COL11A1: variants seen among roughly 807,000 people sequenced by gnomAD.
The protein encoded by COL11A1 is collagen alpha-1(XI) chain.
COL11A1 carries 74 observed loss-of-function variants against 265.2 expected under a neutral mutation model. The ratio of observed to expected loss-of-function variants is 0.28; its 90% CI spans 0.23 to 0.34. The LOEUF is 0.34. Among genes scored for constraint, COL11A1 ranks in the 10% least tolerant of loss-of-function variants. The probability of loss-of-function intolerance (pLI) is 1.00; values close to 1 mark genes in which losing one functional copy is unlikely to be tolerated. For synonymous variants in COL11A1, 816 were observed against 727.6 expected (o/e 1.12, Z -1.96); for missense variants, 2,165 against 2,263.6 (o/e 0.96, Z 0.88).
chr1:102,878,314 T>C (rs1485350991), intron 66 of COL11A1, 149 bp from the exon 67 acceptor site: 6 of 645,296 alleles, frequency 9.3e-6, no homozygotes, highest in African/African-American at 1.8e-5. Context: ...TAATAATTCT[T>C]ATCACTGTAT....
chr1:102,954,948 A>C (rs1660232204), intron 41 of COL11A1, among the ~76,000 whole-genome samples: 1 of 152,214 alleles, frequency 6.6e-6, no homozygotes, highest in South Asian at 2.1e-4. Context: ...CTAAAAATTC[A>C]GATGAACTAT....
Position 102,877,738 on chromosome 1 carries a change from C to T in COL11A1, c.*281G>A. On this transcript the variant is annotated 3_prime_UTR_variant, in exon 67 of 67. Transcript: ENST00000370096. ...TATATTTTTCTTTTTTTGTTTTCTA[C>T]AGCACCAAAGAAATTCAAATAGGAA... 8.3e-6 allele frequency: 3 copies of T among 360,934 alleles called. No individual in the cohort carries two copies. Among genetic ancestry groups the T allele is most frequent in the African/African-American group, 2.1e-5 (1 of 47,824 alleles). 22.4% of individuals were successfully genotyped at this position (360,934 alleles called of 1,614,324 possible).
At chr1:103,098,065 G>A (rs1467029726) in intron 1 of COL11A1, among the ~76,000 whole-genome samples, 1 of 151,618 alleles carries the variant, frequency 6.6e-6, no homozygotes, top group Non-Finnish European at 1.5e-5. Flanking sequence ...AATAGCCAAG[G>A]CTGTTAAAAA....
intron 1 of COL11A1, among the ~76,000 whole-genome samples, chr1:103,088,819 C>T (rs1558044086): frequency 6.6e-6 from 1 of 152,172 alleles, no homozygotes; most frequent in South Asian, 2.1e-4. Flanking sequence ...ACCAGCCATG[C>T]TTGCCCAAGG....
In COL11A1 at chr1:102,938,832, A is replaced by G. The variant is rs368417810; in HGVS notation, c.3438+203T>C. Among the ~76,000 whole-genome samples, 77 of 152,262 alleles carry G rather than the reference A, an allele frequency of 5.1e-4. 1 individual carries two copies. The highest frequency in any genetic ancestry group is 3.3e-3 in the South Asian group (16 of 4,818). On this transcript the variant is annotated intron_variant, in intron 44 of 66. Coordinates refer to ENST00000370096, the MANE Select transcript of COL11A1 (RefSeq NM_001854.4). ...CAGAGTTATAAATAATGGCCTTACA[A>G]TCATCATACTTTACTTAATCACAGA...
In COL11A1 at chr1:102,962,593, G is replaced by A. The variant is rs184000455; in HGVS notation, c.3024+60C>T. ...AATGGAATCTGTAGACAAGGGGTGA[G>A]TATAGTTAAACATAAATTAAAGTTT... On this transcript the variant is annotated intron_variant, in intron 39 of 66. Coordinates refer to ENST00000370096, the MANE Select transcript of COL11A1 (RefSeq NM_001854.4). 3.6e-4 allele frequency: 492 copies of A among 1,378,386 alleles called. 3 individuals are homozygous for A. In the African/African-American group the frequency reaches 5.8e-3, roughly 16 times the overall value. 85.4% of individuals were successfully genotyped at this position (1,378,386 alleles called of 1,614,324 possible).
At chr1:102,952,634 A>T (rs925922310) in intron 41 of COL11A1, among the ~76,000 whole-genome samples, 1 of 152,224 alleles carries the variant, frequency 6.6e-6, no homozygotes, top group Non-Finnish European at 1.5e-5. Context: ...TCCATGCCCT[A>T]AAGTACAACT....
chr1:103,065,222 TAAC>T (rs1217069361), intron 4 of COL11A1, among the ~76,000 whole-genome samples: 1 of 151,974 alleles, frequency 6.6e-6, no homozygotes, highest in African/African-American at 2.4e-5. Flanking sequence ...GATTGTTTAT[TAAC>T]AACAACAGCA....
chr1:102,923,947 G>A (rs955212250), intron 46 of COL11A1, among the ~76,000 whole-genome samples: 6 of 151,608 alleles, frequency 4.0e-5, no homozygotes, highest in Non-Finnish European at 8.8e-5. Context: ...AGTGGCTCAC[G>A]GCTGTAATCC....
intron 4 of COL11A1, among the ~76,000 whole-genome samples, chr1:103,059,158 T>C (rs1283063328): frequency 6.6e-6 from 1 of 152,176 alleles, no homozygotes; most frequent in Non-Finnish European, 1.5e-5. Flanking sequence ...TGTGCCTAAC[T>C]GCAGTGCAGC....
At chr1:103,056,901 G>A (rs980490883) in intron 4 of COL11A1, among the ~76,000 whole-genome samples, 2 of 152,100 alleles carry the variant, frequency 1.3e-5, no homozygotes, top group South Asian at 2.1e-4. Flanking sequence ...AAATACTAAC[G>A]ATTATTTGAA....
At chr1:103,077,468 C>A (rs962722293) in intron 3 of COL11A1, among the ~76,000 whole-genome samples, 2 of 151,812 alleles carry the variant, frequency 1.3e-5, no homozygotes, top group African/African-American at 4.8e-5. Context: ...AAAAGAAACA[C>A]AACGTGCTAT....
At chr1:102,996,137 G>T (rs540421054) in intron 26 of COL11A1, 95 bp from the exon 27 acceptor site, 18 of 1,276,106 alleles carry the variant, frequency 1.4e-5, no homozygotes, top group South Asian at 2.5e-5. Context: ...CAAGGATATG[G>T]TTTTTTTCTA....
At chr1:103,070,907 T>C (rs1196918198) in intron 4 of COL11A1, among the ~76,000 whole-genome samples, 1 of 151,982 alleles carries the variant, frequency 6.6e-6, no homozygotes, top group Non-Finnish European at 1.5e-5. Context: ...CATAAAGCAA[T>C]AATCAAGCTC....
intron 41 of COL11A1, among the ~76,000 whole-genome samples, chr1:102,959,589 A>G (rs1280475032): frequency 6.6e-6 from 1 of 152,126 alleles, no homozygotes; most frequent in Non-Finnish European, 1.5e-5. Flanking sequence ...TCTTTGGTGT[A>G]TTTCTTTTCA....
At chr1:102,925,784 C>T (rs2101104486) in intron 46 of COL11A1, among the ~76,000 whole-genome samples, 1 of 152,162 alleles carries the variant, frequency 6.6e-6, no homozygotes, top group Admixed American at 6.5e-5. Context: ...TATTTTAACA[C>T]AGTTTAAATA....
intron 59 of COL11A1, 148 bp downstream of exon 59, chr1:102,889,304 AAAT>A: frequency 1.5e-6 from 1 of 672,564 alleles, no homozygotes. Flanking sequence ...GGCTGAATAA[AAAT>A]ATCTTTTTAA....
chr1:103,030,999 T>A, intron 5 of COL11A1, 117 bp downstream of exon 5: 2 of 1,255,590 alleles, frequency 1.6e-6, no homozygotes, highest in South Asian at 2.6e-5. Context: ...TACAACACAA[T>A]TAAAATACAA....
intron 41 of COL11A1, among the ~76,000 whole-genome samples, chr1:102,960,537 G>C (rs1660801199): frequency 6.6e-6 from 1 of 152,004 alleles, no homozygotes; most frequent in South Asian, 2.1e-4. Flanking sequence ...ATTATCCAAA[G>C]ATGACTTTAT....
Sources: gnomAD v4.1 joint callset for allele counts (sites outside exome capture counted in the v4.1 genomes callset) on GRCh38, gnomAD v4.1.1 for gene constraint, MANE v1.5 for transcripts, NCBI Gene and HGNC (gene_info 2026-07-23, HGNC 2026-07-21) for gene names.